CHN2: variants seen among roughly 807,000 people sequenced by gnomAD.
CHN2 encodes the protein chimerin 2.
A neutral mutation model predicts 56.3 loss-of-function variants in CHN2; 35 were observed. The ratio of observed to expected loss-of-function variants is 0.62; its 90% CI spans 0.47 to 0.82. CHN2 has a LOEUF of 0.82. Ranked by LOEUF, CHN2 falls within the 40% of genes least tolerant of loss-of-function variation. The probability of loss-of-function intolerance (pLI) is 0.00; values close to 1 mark genes in which losing one functional copy is unlikely to be tolerated. For missense variants in CHN2, 491 were observed against 580.5 expected (o/e 0.85, Z 1.58); for synonymous variants, 210 against 212.8 (o/e 0.99, Z 0.12).
At chr7:29,484,714 A>C (rs1388457493) in intron 7 of CHN2, among the ~76,000 whole-genome samples, 2 of 152,176 alleles carry the variant, frequency 1.3e-5, no homozygotes, top group African/African-American at 4.8e-5. Flanking sequence ...TTAGGAGTGA[A>C]GCACACCTTT....
intron 1 of CHN2, among the ~76,000 whole-genome samples, chr7:29,267,820 G>C (rs1369113336): frequency 2.6e-5 from 4 of 152,182 alleles, no homozygotes; most frequent in Admixed American, 2.6e-4. Flanking sequence ...CTGTGTACAT[G>C]AGCTAGGATC....
intron 1 of CHN2, among the ~76,000 whole-genome samples, chr7:29,352,952 T>C (rs767136225): frequency 6.6e-6 from 1 of 152,246 alleles, no homozygotes; most frequent in Non-Finnish European, 1.5e-5. Flanking sequence ...GGTTAAAGCC[T>C]TGCTATTATA....
intron 6 of CHN2, among the ~76,000 whole-genome samples, chr7:29,423,079 T>C (rs577836698): frequency 9.8e-5 from 15 of 152,336 alleles, no homozygotes; most frequent in African/African-American, 2.9e-4. Context: ...TATAAATTGC[T>C]ATAGAAAAGA....
intron 6 of CHN2, among the ~76,000 whole-genome samples, chr7:29,427,656 CTT>C (rs754677450): frequency 4.1e-4 from 49 of 120,342 alleles, no homozygotes; most frequent in Middle Eastern, 4.6e-3. Flanking sequence ...ATTTTTTATT[CTT>C]TTTTTTTTTT....
chr7:29,454,448 A>G (rs979051973), intron 6 of CHN2, among the ~76,000 whole-genome samples: 10 of 152,226 alleles, frequency 6.6e-5, no homozygotes, highest in African/African-American at 9.6e-5. Context: ...AGGGCCCTGA[A>G]TAGTATGTTA....
Position 29,336,321 on chromosome 7 carries a change from C to T in CHN2, c.50-18304C>T, listed in dbSNP as rs542655289. Among the ~76,000 whole-genome samples, 25 of 152,068 alleles carry T rather than the reference C, an allele frequency of 1.6e-4. 1 individual carries two copies. Among genetic ancestry groups the T allele is most frequent in the South Asian group, 2.1e-4 (1 of 4,826 alleles). On this transcript the variant is annotated intron_variant, in intron 1 of 12. Transcript: ENST00000222792. ...GTTAACTATCCAGTGTGAGAAAACACGCCGTTGAGGCTGGGCATGGTGACC... is the reference window on the plus strand; with the variant it reads ...GTTAACTATCCAGTGTGAGAAAACATGCCGTTGAGGCTGGGCATGGTGACC...
intron 1 of CHN2, among the ~76,000 whole-genome samples, chr7:29,224,227 C>CT (rs1221608793): frequency 6.6e-6 from 1 of 152,076 alleles, no homozygotes; most frequent in African/African-American, 2.4e-5. Flanking sequence ...AATATAGTTC[C>CT]TTTTTCCTCC....
intron 2 of CHN2, among the ~76,000 whole-genome samples, chr7:29,155,731 C>G (rs1275668014): frequency 6.6e-6 from 1 of 152,214 alleles, no homozygotes; most frequent in East Asian, 1.9e-4. Flanking sequence ...GTGGACAGTC[C>G]TCCCTCATCG....
At chr7:29,259,614 T>A (rs1246076784) in intron 1 of CHN2, among the ~76,000 whole-genome samples, 1 of 152,168 alleles carries the variant, frequency 6.6e-6, no homozygotes, top group Non-Finnish European at 1.5e-5. Flanking sequence ...ACTTCAGTTA[T>A]AAGATAAATA....
chr7:29,186,262 A>G (rs1252191103), intron 2 of CHN2, among the ~76,000 whole-genome samples: 2 of 152,010 alleles, frequency 1.3e-5, no homozygotes, highest in East Asian at 3.9e-4. Context: ...GCAAAAAAAA[A>G]ATGACAGTAT....
At chr7:29,479,686 G>A (rs3828978) in intron 6 of CHN2, 322,550 of 1,038,122 alleles carry the variant, frequency 0.31, 51,626 homozygotes, top group East Asian at 0.37. Flanking sequence ...TTGAACGTCA[G>A]AGCTGGCTGG....
chr7:29,153,290 CT>C (rs1489249140), intron 2 of CHN2, among the ~76,000 whole-genome samples: 2 of 152,200 alleles, frequency 1.3e-5, no homozygotes, highest in Non-Finnish European at 2.9e-5. Flanking sequence ...AAATAAACAT[CT>C]GTTGATTTAA....
intron 6 of CHN2, among the ~76,000 whole-genome samples, chr7:29,456,764 C>T (rs943959548): frequency 3.9e-5 from 6 of 152,014 alleles, no homozygotes; most frequent in Admixed American, 6.5e-5. Flanking sequence ...CACTGGTCTC[C>T]GACTAGGAGG....
chr7:29,174,290 C>G (rs780172723), intron 2 of CHN2, among the ~76,000 whole-genome samples: 7 of 152,258 alleles, frequency 4.6e-5, no homozygotes, highest in Non-Finnish European at 1.0e-4. Flanking sequence ...CCAGCAATCC[C>G]GTCTTTCCAT....
chr7:29,486,030 C>T (rs2128553034), intron 7 of CHN2, among the ~76,000 whole-genome samples: 1 of 152,270 alleles, frequency 6.6e-6, no homozygotes, highest in South Asian at 2.1e-4. Flanking sequence ...CCTTCCACCT[C>T]CTGCCCAGCC....
intron 6 of CHN2, among the ~76,000 whole-genome samples, chr7:29,409,162 C>T (rs1274561787): frequency 6.6e-6 from 1 of 152,130 alleles, no homozygotes. Context: ...GGCAGCTCTG[C>T]GGGCCTAGGA....
intron 2 of CHN2, among the ~76,000 whole-genome samples, chr7:29,181,667 A>G (rs987503790): frequency 1.1e-4 from 17 of 152,212 alleles, no homozygotes; most frequent in Non-Finnish European, 2.5e-4. Flanking sequence ...GCCTCCAACT[A>G]GAAAAGTAAA....
In CHN2 at chr7:29,212,926, A is replaced by C. The variant is rs1554364526; in HGVS notation, c.49+17936A>C. ...GAACAATTCATCCTGGAGCAACCAG[A>C]CCCAGAACATCTAGTGCTGGAGCAA... is the stretch of plus-strand genomic sequence containing the variant. On this transcript the variant is annotated intron_variant, in intron 1 of 12. Transcript: ENST00000222792. 19 of 1,557,636 alleles carry C rather than the reference A, an allele frequency of 1.2e-5. No homozygotes were observed. In the South Asian group the frequency reaches 2.1e-4, roughly 17 times the overall value.
At chr7:29,227,141 T>G (rs1786270056) in intron 1 of CHN2, among the ~76,000 whole-genome samples, 1 of 152,216 alleles carries the variant, frequency 6.6e-6, no homozygotes, top group African/African-American at 2.4e-5. Context: ...TCAGCAGAGT[T>G]TGTGGATCTT....
Sources: allele counts gnomAD v4.1 joint callset (sites outside exome capture counted in the v4.1 genomes callset), GRCh38; gene constraint gnomAD v4.1.1; transcripts MANE v1.5; gene names NCBI Gene and HGNC (gene_info 2026-07-23, HGNC 2026-07-21).